NCOA2: variants seen among roughly 807,000 people sequenced by gnomAD.
NCOA2 encodes the protein class E basic helix-loop-helix protein 75.
In NCOA2, 21 loss-of-function variants were observed where a neutral mutation model predicts 145.1. The observed-to-expected ratio is 0.14, with a 90% CI of 0.10 to 0.21. The LOEUF (loss-of-function observed/expected upper bound fraction) is 0.21. Among genes scored for constraint, NCOA2 ranks in the 10% least tolerant of loss-of-function variants. The pLI is 1.00. For missense variants in NCOA2, 1,472 were observed against 1,837.6 expected, an observed-to-expected ratio of 0.80 and a Z score of 3.64; for synonymous variants, 619 against 637.5, an observed-to-expected ratio of 0.97 and a Z score of 0.44.
intron 1 of NCOA2, among the ~76,000 whole-genome samples, chr8:70,341,202 G>C (rs531516829): frequency 6.6e-6 from 1 of 152,068 alleles, no homozygotes; most frequent in South Asian, 2.1e-4. Context: ...ACCTGATATA[G>C]TGAGACCCTA....
intron 16 of NCOA2, 137 bp from the exon 17 acceptor site, chr8:70,129,117 A>G: frequency 8.2e-6 from 7 of 857,792 alleles, no homozygotes; most frequent in Non-Finnish European, 1.2e-5. Context: ...ACACAAAGGT[A>G]CCTTTAGAGC....
intron 12 of NCOA2, among the ~76,000 whole-genome samples, 171 bp from the exon 13 acceptor site, chr8:70,145,019 G>A (rs557303380): frequency 6.6e-6 from 1 of 152,306 alleles, no homozygotes; most frequent in Non-Finnish European, 1.5e-5. Flanking sequence ...GCACCCCAAA[G>A]CATAGATGTG....
intron 2 of NCOA2, among the ~76,000 whole-genome samples, chr8:70,249,977 A>G (rs866651965): frequency 1.1e-4 from 15 of 137,976 alleles, no homozygotes; most frequent in Middle Eastern, 3.7e-3. Flanking sequence ...AAAAAAAAAA[A>G]AAGAAGAAGA....
At chr8:70,263,203 T>C (rs764425919) in intron 2 of NCOA2, among the ~76,000 whole-genome samples, 6 of 145,148 alleles carry the variant, frequency 4.1e-5, no homozygotes, top group Non-Finnish European at 9.0e-5. Context: ...AGCCGGCTAC[T>C]AGATGACTGA....
chr8:70,243,570 C>T (rs1437154442), intron 2 of NCOA2, among the ~76,000 whole-genome samples: 1 of 151,684 alleles, frequency 6.6e-6, no homozygotes, highest in Admixed American at 6.6e-5. Context: ...CATTCAAAGG[C>T]TTAGATAAGG....
Position 70,113,650 on chromosome 8 carries a change from G to C in NCOA2, c.4384-7C>G, listed in dbSNP as rs759869023. The C allele has an allele frequency of 6.4e-7, 1 of 1,551,476 alleles. No homozygotes were observed. The highest frequency in any genetic ancestry group is 1.4e-5 in the African/African-American group (1 of 73,000). Reference sequence around the variant, plus strand: ...AGCAGTGTCAGCAATATTTCTGTAGGAAAACAGATAAAAAGTTGTGAAACA... The same window carrying C: ...AGCAGTGTCAGCAATATTTCTGTAGCAAAACAGATAAAAAGTTGTGAAACA... On this transcript the variant is annotated splice_polypyrimidine_tract_variant and splice_region_variant and intron_variant, in intron 22 of 22. Coordinates refer to ENST00000452400, the MANE Select transcript of NCOA2 (RefSeq NM_006540.4).
At chr8:70,331,251 C>T (rs574446566) in intron 1 of NCOA2, among the ~76,000 whole-genome samples, 36 of 151,802 alleles carry the variant, frequency 2.4e-4, no homozygotes, top group African/African-American at 8.7e-4. Flanking sequence ...CAGCATAAAG[C>T]TTTCTTACTA....
At chr8:70,441,983 AGAG>A in the NCOA2 span, among the ~76,000 whole-genome samples, 1 of 148,784 alleles carries the variant, frequency 6.7e-6, no homozygotes, top group Non-Finnish European at 1.5e-5. Flanking sequence ...GAAAGAGGAA[AGAG>A]AGAAAGAAAG....
rs1309403784 is a variant in NCOA2, at chr8:70,329,116, G to T, written c.-76-32316C>A. ...ACCACAGATGCACACCACCATGCCTGGCTACTGTTTTCTGGTTTCTTTTTT... is the reference window on the plus strand; with the variant it reads ...ACCACAGATGCACACCACCATGCCTTGCTACTGTTTTCTGGTTTCTTTTTT... On this transcript the variant is annotated intron_variant, in intron 1 of 22. Transcript: ENST00000452400. Among the ~76,000 whole-genome samples, 4 of 151,950 alleles carry T rather than the reference G, an allele frequency of 2.6e-5. No individual in the cohort carries two copies. In the East Asian group the frequency reaches 7.7e-4, roughly 29 times the overall value.
intron 1 of NCOA2, among the ~76,000 whole-genome samples, chr8:70,299,601 G>C (rs1827340272): frequency 6.6e-6 from 1 of 152,158 alleles, no homozygotes; most frequent in African/African-American, 2.4e-5. Context: ...TAGTTATTAG[G>C]AAAATGGAAA....
At chr8:70,231,639 T>C (rs189996116) in intron 2 of NCOA2, among the ~76,000 whole-genome samples, 2 of 152,324 alleles carry the variant, frequency 1.3e-5, no homozygotes, top group Non-Finnish European at 2.9e-5. Context: ...TGGGTGTTAA[T>C]AGGATATTAA....
chr8:70,159,242 A>ATATATATATATATATATATAT, intron 10 of NCOA2, among the ~76,000 whole-genome samples: 6 of 61,074 alleles, frequency 9.8e-5, no homozygotes, highest in African/African-American at 3.2e-4. Flanking sequence ...ATATATATAT[A>ATATATATATATATATATATAT]TTTTTTTTTT....
At chr8:70,311,277 G>T (rs1219392706) in intron 1 of NCOA2, among the ~76,000 whole-genome samples, 2 of 152,062 alleles carry the variant, frequency 1.3e-5, no homozygotes, top group Admixed American at 6.5e-5. Flanking sequence ...GAATAGGGTG[G>T]GGGAAAGTGG....
intron 5 of NCOA2, among the ~76,000 whole-genome samples, chr8:70,174,434 C>T (rs899941362): frequency 6.6e-6 from 1 of 152,154 alleles, no homozygotes; most frequent in African/African-American, 2.4e-5. Context: ...ATTTTGAGAA[C>T]ATTTCAAGCT....
intron 16 of NCOA2, among the ~76,000 whole-genome samples, chr8:70,129,533 T>C (rs147393460): frequency 1.7e-4 from 26 of 152,178 alleles, no homozygotes; most frequent in African/African-American, 5.8e-4. Flanking sequence ...AGTTTGTGAT[T>C]TGGGATCTGA....
intron 4 of NCOA2, among the ~76,000 whole-genome samples, chr8:70,194,616 A>G (rs747830400): frequency 7.9e-5 from 12 of 151,336 alleles, no homozygotes; most frequent in Non-Finnish European, 1.5e-4. Flanking sequence ...CTGGCTAAAT[A>G]CCAAGAAGTC....
At chr8:70,361,672 T>C (rs1810213217) in intron 1 of NCOA2, among the ~76,000 whole-genome samples, 1 of 152,234 alleles carries the variant, frequency 6.6e-6, no homozygotes, top group Non-Finnish European at 1.5e-5. Flanking sequence ...AATCTACTTT[T>C]ACAGAACGTA....
chr8:70,443,851 C>T, the NCOA2 span, among the ~76,000 whole-genome samples: 6 of 152,066 alleles, frequency 3.9e-5, no homozygotes, highest in Admixed American at 6.5e-5. Context: ...CTGCAATTAC[C>T]GGCTATAATA....
At chr8:70,133,997 T>C (rs377174225) in intron 15 of NCOA2, among the ~76,000 whole-genome samples, 18 of 152,192 alleles carry the variant, frequency 1.2e-4, no homozygotes, top group Admixed American at 3.3e-4. Context: ...CTTGCATTTC[T>C]AAGGGACCCA....
Sources: allele counts gnomAD v4.1 joint callset (sites outside exome capture counted in the v4.1 genomes callset), GRCh38; gene constraint gnomAD v4.1.1; transcripts MANE v1.5; gene names NCBI Gene and HGNC (gene_info 2026-07-23, HGNC 2026-07-21).